ARHGAP26: variants seen among roughly 807,000 people sequenced by gnomAD.
The protein encoded by ARHGAP26 is Rho GTPase activating protein 26.
In ARHGAP26, 38 loss-of-function variants were observed where a neutral mutation model predicts 104.8. That is an observed-to-expected ratio of 0.36 (90% CI 0.28 to 0.48). The LOEUF (loss-of-function observed/expected upper bound fraction) is 0.48. ARHGAP26 is among the 20% of genes least tolerant of loss of function. ARHGAP26 has a pLI of 0.99. For missense variants in ARHGAP26, 704 were observed against 947.9 expected (o/e 0.74, Z 3.38); for synonymous variants, 341 against 340.0 (o/e 1.00, Z -0.03).
At chr5:143,065,917 C>T (rs1787411982) in intron 17 of ARHGAP26, among the ~76,000 whole-genome samples, 3 of 152,160 alleles carry the variant, frequency 2.0e-5, no homozygotes, top group African/African-American at 7.2e-5. Context: ...AAGATGGTCT[C>T]AAGAGATTGA....
intron 8 of ARHGAP26, 70 bp from the exon 9 acceptor site, chr5:142,907,633 GT>G: frequency 2.8e-6 from 3 of 1,056,182 alleles, no homozygotes; most frequent in Non-Finnish European, 2.8e-6. Flanking sequence ...ATGGGTTGTG[GT>G]TTTTCCAGCT....
chr5:143,131,560 G>C (rs1405200534), intron 18 of ARHGAP26, among the ~76,000 whole-genome samples: 1 of 152,212 alleles, frequency 6.6e-6, no homozygotes, highest in Non-Finnish European at 1.5e-5. Flanking sequence ...GGTACTAGAA[G>C]ACACTGTTAG....
intron 4 of ARHGAP26, among the ~76,000 whole-genome samples, chr5:142,885,055 TTGCCACCA>T (rs1311238445): frequency 6.6e-6 from 1 of 152,236 alleles, no homozygotes; most frequent in East Asian, 1.9e-4. Flanking sequence ...AATCTTGGCT[TTGCCACCA>T]TTAGATATTC....
chr5:142,912,533 G>T (rs1307590632), intron 9 of ARHGAP26, among the ~76,000 whole-genome samples: 1 of 152,158 alleles, frequency 6.6e-6, no homozygotes, highest in East Asian at 1.9e-4. Flanking sequence ...AAGTTGTACA[G>T]TTCAACATGT....
intron 14 of ARHGAP26, among the ~76,000 whole-genome samples, chr5:143,044,418 G>C (rs953598823): frequency 2.0e-5 from 3 of 152,192 alleles, no homozygotes; most frequent in African/African-American, 7.2e-5. Context: ...TGGTCACTGA[G>C]AAGAAAGTGC....
At chr5:142,791,372 G>A (rs1271793484) in intron 1 of ARHGAP26, among the ~76,000 whole-genome samples, 1 of 152,182 alleles carries the variant, frequency 6.6e-6, no homozygotes, top group African/African-American at 2.4e-5. Flanking sequence ...TGCTCATTCT[G>A]TTTCTCTCTT....
intron 1 of ARHGAP26, among the ~76,000 whole-genome samples, chr5:142,829,980 T>C (rs1015431574): frequency 1.3e-5 from 2 of 152,204 alleles, no homozygotes; most frequent in Admixed American, 1.3e-4. Flanking sequence ...GAGGGCTAAA[T>C]GGTGGATGTT....
chr5:142,980,525 A>G (rs1365499235), intron 11 of ARHGAP26, among the ~76,000 whole-genome samples: 1 of 151,836 alleles, frequency 6.6e-6, no homozygotes, highest in African/African-American at 2.4e-5. Flanking sequence ...AGTGGCTGGG[A>G]TTACAGGTGC....
intron 17 of ARHGAP26, among the ~76,000 whole-genome samples, chr5:143,081,762 C>T (rs1316373943): frequency 6.6e-6 from 1 of 152,148 alleles, no homozygotes; most frequent in Non-Finnish European, 1.5e-5. Context: ...GCCTGTAATC[C>T]CAGCACTCTG....
chr5:142,869,703 G>T (rs1170799203), intron 1 of ARHGAP26, among the ~76,000 whole-genome samples: 1 of 152,144 alleles, frequency 6.6e-6, no homozygotes. Context: ...GGTATTACTG[G>T]TACAACTTGT....
intron 20 of ARHGAP26, among the ~76,000 whole-genome samples, chr5:143,189,090 G>A (rs769382816): frequency 6.6e-6 from 1 of 152,220 alleles, no homozygotes; most frequent in Non-Finnish European, 1.5e-5. Context: ...TGCAGGAAAA[G>A]TATGTTTTGC....
At chr5:142,989,543 G>A (rs1405061583) in intron 11 of ARHGAP26, among the ~76,000 whole-genome samples, 5 of 152,276 alleles carry the variant, frequency 3.3e-5, no homozygotes, top group East Asian at 1.9e-4. Flanking sequence ...TATTTTGCTC[G>A]TTAGTTGATA....
chr5:142,776,861 C>T (rs1195192318), intron 1 of ARHGAP26, among the ~76,000 whole-genome samples: 2 of 152,192 alleles, frequency 1.3e-5, no homozygotes, highest in Non-Finnish European at 2.9e-5. Flanking sequence ...ATAACAGAAG[C>T]ACCGTTTCAC....
intron 17 of ARHGAP26, among the ~76,000 whole-genome samples, chr5:143,066,797 C>A (rs1787556522): frequency 6.6e-6 from 1 of 152,088 alleles, no homozygotes. Flanking sequence ...TGCATTTGGC[C>A]CAAAGGGCTG....
At chr5:143,106,233 A>T (rs1045727736) in intron 17 of ARHGAP26, among the ~76,000 whole-genome samples, 8 of 152,140 alleles carry the variant, frequency 5.3e-5, no homozygotes, top group Admixed American at 3.9e-4. Flanking sequence ...AAGACTGAGC[A>T]GTGGGATCTA....
At chr5:142,894,172 C>A in intron 5 of ARHGAP26, 66 bp from the exon 6 acceptor site, 1 of 1,327,562 alleles carries the variant, frequency 7.5e-7, no homozygotes, top group East Asian at 2.4e-5. Context: ...TTTTTCTGAC[C>A]TGCTTTCGGA....
chr5:143,064,796 C>A (rs1298943427), intron 17 of ARHGAP26, among the ~76,000 whole-genome samples: 2 of 152,154 alleles, frequency 1.3e-5, no homozygotes, highest in Non-Finnish European at 2.9e-5. Context: ...AGAAAGATAT[C>A]AGTTCAGTTT....
At chr5:143,065,467 G>A (rs1787347918) in intron 17 of ARHGAP26, among the ~76,000 whole-genome samples, 1 of 152,088 alleles carries the variant, frequency 6.6e-6, no homozygotes, top group African/African-American at 2.4e-5. Flanking sequence ...TAATCCATGG[G>A]GCATAAGAGC....
chr5:143,096,180 A>T (rs889168744), intron 17 of ARHGAP26, among the ~76,000 whole-genome samples: 5 of 152,200 alleles, frequency 3.3e-5, no homozygotes, highest in African/African-American at 7.2e-5. Context: ...CATTTAGAAA[A>T]TATTAGTAAA....
Sources: allele counts gnomAD v4.1 joint callset (sites outside exome capture counted in the v4.1 genomes callset), GRCh38; gene constraint gnomAD v4.1.1; transcripts MANE v1.5; gene names NCBI Gene and HGNC (gene_info 2026-07-23, HGNC 2026-07-21).